MSMO1: variants seen among roughly 807,000 people sequenced by gnomAD.
The protein encoded by MSMO1 is C-4 methylsterol oxidase.
Under a neutral mutation model 30.4 loss-of-function variants are expected in MSMO1, and 18 were observed. The ratio of observed to expected loss-of-function variants is 0.59; its 90% CI spans 0.41 to 0.88. The LOEUF is 0.88. Ranked by LOEUF, MSMO1 falls within the 40% of genes least tolerant of loss-of-function variation. The probability of loss-of-function intolerance (pLI) is 0.00; values close to 1 mark genes in which losing one functional copy is unlikely to be tolerated. For synonymous variants in MSMO1, 84 were observed against 107.9 expected (o/e 0.78, Z 1.37); for missense variants, 284 against 340.5 (o/e 0.83, Z 1.31).
intron 1 of MSMO1, among the ~76,000 whole-genome samples, chr4:165,330,275 A>G (rs1747354824): frequency 6.6e-6 from 1 of 152,228 alleles, no homozygotes; most frequent in Non-Finnish European, 1.5e-5. Context: ...AATAATACCT[A>G]CCTCACGAAG....
At chr4:165,336,132 C>T (rs756780721) in intron 2 of MSMO1, among the ~76,000 whole-genome samples, 18 of 151,696 alleles carry the variant, frequency 1.2e-4, no homozygotes, top group Non-Finnish European at 2.4e-4. Context: ...TTTCTGCTTT[C>T]AAACAGAACA....
rs62352297 is a variant in MSMO1, at chr4:165,339,262, G to A, written c.531+484G>A. Among the ~76,000 whole-genome samples, 1,273 of 151,950 alleles carry A rather than the reference G, an allele frequency of 8.4e-3. 9 individuals are homozygous for A. The highest frequency in any genetic ancestry group is 0.013 in the Non-Finnish European group (874 of 67,962). On this transcript the variant is annotated intron_variant, in intron 4 of 5. Transcript: ENST00000261507. ...TGGGATTACAGGCATGCGTCACCAC[G>A]CGTGGCTAATTTTGTATTTTTAGTA... is the stretch of plus-strand genomic sequence containing the variant.
intron 1 of MSMO1, among the ~76,000 whole-genome samples, chr4:165,330,801 G>A (rs976687185): frequency 1.3e-5 from 2 of 152,090 alleles, no homozygotes; most frequent in African/African-American, 4.8e-5. Context: ...CATTTCAAGC[G>A]ATTCACCTGA....
At chr4:165,336,650 G>A (rs1747558356) in intron 2 of MSMO1, among the ~76,000 whole-genome samples, 1 of 152,156 alleles carries the variant, frequency 6.6e-6, no homozygotes. Context: ...GAGGAGTGGG[G>A]TTAGATAATG....
rs1193574449 is a variant in MSMO1, at chr4:165,333,444, C to G, written c.74C>G (p.Pro25Arg). The part of the protein sequence containing the change: ...LAVEYVDSLL[P>R]ENPLQEPFKN... The stretch of plus-strand genomic sequence containing the variant: ...GTGGAATATGTAGATTCACTTTTAC[C>G]TGAGAATCCTCTGCAAGAACCATTT... The change falls in exon 2 of 6, where the codon CCT (proline) becomes CGT (arginine). Residue 25 changes from proline to arginine, a missense_variant. Pro to Arg is a moderately radical substitution (Grantham distance 103, BLOSUM62 -2). Coordinates refer to ENST00000261507, the MANE Select transcript of MSMO1 (RefSeq NM_006745.5). The G allele has an allele frequency of 6.2e-7, 1 of 1,612,372 alleles. No individual in the cohort carries two copies. Among genetic ancestry groups the G allele is most frequent in the Admixed American group, 1.7e-5 (1 of 59,942 alleles).
intron 1 of MSMO1, among the ~76,000 whole-genome samples, chr4:165,329,708 C>T (rs930241145): frequency 2.2e-5 from 3 of 134,270 alleles, no homozygotes; most frequent in Admixed American, 8.4e-5. Context: ...GATCTCTGCT[C>T]GCTGCAACCT....
intron 5 of MSMO1, 43 bp downstream of exon 5, chr4:165,340,418 T>C (rs780091592): frequency 1.5e-5 from 22 of 1,508,310 alleles, no homozygotes; most frequent in Non-Finnish European, 1.9e-5. Context: ...TAATGAAATA[T>C]ATTTATTTTC....
intron 4 of MSMO1, 114 bp from the exon 5 acceptor site, chr4:165,340,107 A>C (rs1456382361): frequency 1.1e-6 from 1 of 876,068 alleles, no homozygotes; most frequent in African/African-American, 1.7e-5. Flanking sequence ...TCACAACAAC[A>C]TCTAGACTGG....
At chr4:165,339,497 T>G (rs1275404958) in intron 4 of MSMO1, among the ~76,000 whole-genome samples, 1 of 152,182 alleles carries the variant, frequency 6.6e-6, no homozygotes, top group East Asian at 1.9e-4. Context: ...CAAGCCTCTC[T>G]TTATTAGAAG....
intron 1 of MSMO1, among the ~76,000 whole-genome samples, chr4:165,332,966 T>C (rs1747440459): frequency 6.6e-6 from 1 of 152,210 alleles, no homozygotes; most frequent in Admixed American, 6.5e-5. Flanking sequence ...TCTTTATAGG[T>C]TCTTTTGGCT....
chr4:165,334,212 A>G (rs1747477438), intron 2 of MSMO1, among the ~76,000 whole-genome samples: 1 of 152,222 alleles, frequency 6.6e-6, no homozygotes, highest in African/African-American at 2.4e-5. Context: ...GTCTATCTCA[A>G]TTTAGACTAG....
intron 5 of MSMO1, chr4:165,340,759 G>T: frequency 5.7e-6 from 1 of 175,030 alleles, no homozygotes; most frequent in Non-Finnish European, 1.2e-5. Context: ...ACTACTACTT[G>T]TAACACATAC....
Position 165,337,931 on chromosome 4 carries a change from C to T in MSMO1, c.398C>T (p.Pro133Leu). Residue 133 changes from proline to leucine, a missense_variant, in exon 3 of 6, where the codon CCA (proline) becomes CTA (leucine). Transcript: ENST00000261507. ...ATTCCTTATGATTGGGAAAGAATGCCAAGATGGTACGTAGATAAAAATTTG... is the reference window on the plus strand; with the variant it reads ...ATTCCTTATGATTGGGAAAGAATGCTAAGATGGTACGTAGATAAAAATTTG... Reference protein sequence around the residue: ...FNIPYDWERMPRWYFLLARCF... With the variant: ...FNIPYDWERMLRWYFLLARCF... 1 of 1,613,158 alleles carries T rather than the reference C, an allele frequency of 6.2e-7. No individual in the cohort carries two copies. The highest frequency in any genetic ancestry group is 8.5e-7 in the Non-Finnish European group (1 of 1,179,610).
intron 1 of MSMO1, among the ~76,000 whole-genome samples, chr4:165,331,952 T>TATTTC (rs1747403580): frequency 2.0e-5 from 3 of 148,102 alleles, no homozygotes; most frequent in African/African-American, 7.9e-5. Context: ...TCCGTAACAC[T>TATTTC]CTCCCCTACC....
At chr4:165,329,574 C>CAA (rs373961662) in intron 1 of MSMO1, among the ~76,000 whole-genome samples, 261 of 89,464 alleles carry the variant, frequency 2.9e-3, no homozygotes, top group Non-Finnish European at 5.1e-3. Flanking sequence ...AAATAAACTC[C>CAA]AAAAAAAAAA....
At chr4:165,334,546 G>C (rs937756664) in intron 2 of MSMO1, among the ~76,000 whole-genome samples, 3 of 152,056 alleles carry the variant, frequency 2.0e-5, no homozygotes, top group Non-Finnish European at 4.4e-5. Context: ...TGCAGCATTC[G>C]TATCATCCCA....
chr4:165,332,531 T>TAAAG (rs1263864425), intron 1 of MSMO1, among the ~76,000 whole-genome samples: 6 of 152,246 alleles, frequency 3.9e-5, no homozygotes, highest in African/African-American at 1.4e-4. Flanking sequence ...GATGTATTCA[T>TAAAG]TTTGAATTAG....
At position 165,341,239 on chromosome 4, in the gene MSMO1, T is replaced by G. The variant is rs548134407; in HGVS notation, c.687-512T>G. Among the ~76,000 whole-genome samples the G allele has an allele frequency of 2.6e-5, 4 of 152,280 alleles. No homozygotes were observed. The East Asian group carries it at 7.7e-4, about 29-fold the overall frequency. On this transcript the variant is annotated intron_variant, in intron 5 of 5. Transcript: ENST00000261507. Reference sequence around the variant, plus strand: ...CCAACTATAGAAAAGTACACTGGTATTTTGATTAATTGTGGTACATTTGAT... The same window carrying G: ...CCAACTATAGAAAAGTACACTGGTAGTTTGATTAATTGTGGTACATTTGAT...
Position 165,327,715 on chromosome 4 carries a change from C to G in MSMO1, c.-81C>G, listed in dbSNP as rs1747274905. 1 of 152,384 alleles carries G rather than the reference C, an allele frequency of 6.6e-6. No homozygotes were observed. Among genetic ancestry groups the G allele is most frequent in the Admixed American group, 6.5e-5 (1 of 15,290 alleles). The allele number at this position is 152,384 out of a possible 1,614,324, so 9.4% of individuals were successfully genotyped here. On this transcript the variant is annotated 5_prime_UTR_variant, in exon 1 of 6. Coordinates refer to ENST00000261507, the MANE Select transcript of MSMO1 (RefSeq NM_006745.5). Reference sequence around the variant, plus strand: ...GAGGCAGGTTCCGAGGTTGGAACACCTGGCGAGTCCTCGGTGTCGGTGGCC... The same window carrying G: ...GAGGCAGGTTCCGAGGTTGGAACACGTGGCGAGTCCTCGGTGTCGGTGGCC...
Sources: gnomAD v4.1 joint callset for allele counts (sites outside exome capture counted in the v4.1 genomes callset) on GRCh38, gnomAD v4.1.1 for gene constraint, MANE v1.5 for transcripts, NCBI Gene and HGNC (gene_info 2026-07-23, HGNC 2026-07-21) for gene names.